XRCC4: variants seen among roughly 807,000 people sequenced by gnomAD.
XRCC4 encodes X-ray repair cross complementing 4.
Under a neutral mutation model 39.1 loss-of-function variants are expected in XRCC4, and 28 were observed. The ratio of observed to expected loss-of-function variants is 0.72; its 90% CI spans 0.53 to 0.98. The LOEUF is 0.98. Among genes scored for constraint, XRCC4 ranks in the 50% least tolerant of loss-of-function variants. The pLI is 0.00. For synonymous variants in XRCC4, 123 were observed against 126.4 expected (o/e 0.97, Z 0.18); for missense variants, 350 against 376.4 (o/e 0.93, Z 0.58).
intron 7 of XRCC4, among the ~76,000 whole-genome samples, chr5:83,262,111 T>C (rs926978731): frequency 2.0e-5 from 3 of 152,156 alleles, no homozygotes; most frequent in African/African-American, 7.2e-5. Flanking sequence ...ATAAGTGCTT[T>C]ATATGTTATC....
At position 83,314,469 on chromosome 5, in the gene XRCC4, G is replaced by A. The variant is rs559137329; in HGVS notation, c.894-38662G>A. On this transcript the variant is annotated intron_variant, in intron 7 of 7. Transcript: ENST00000396027. ...ATATACATGATAACAGCTTTCAATAGGCAGTGTTATTTAATACAGGCATAA... is the reference window on the plus strand; with the variant it reads ...ATATACATGATAACAGCTTTCAATAAGCAGTGTTATTTAATACAGGCATAA... Among the ~76,000 whole-genome samples the A allele has an allele frequency of 2.6e-5, 4 of 152,224 alleles. No homozygotes were observed. In the South Asian group the frequency reaches 6.2e-4, roughly 24 times the overall value.
intron 7 of XRCC4, among the ~76,000 whole-genome samples, chr5:83,304,752 A>G (rs539431020): frequency 1.1e-4 from 17 of 152,224 alleles, no homozygotes; most frequent in East Asian, 3.9e-4. Flanking sequence ...TTTAATAGAT[A>G]AGACTGCAAT....
intron 1 of XRCC4, among the ~76,000 whole-genome samples, chr5:83,102,907 T>G (rs1333997758): frequency 1.3e-5 from 2 of 151,234 alleles, no homozygotes; most frequent in Non-Finnish European, 2.9e-5. Flanking sequence ...CACCACCACT[T>G]AGTGTGTGAT....
At chr5:83,292,689 A>C (rs1168308749) in intron 7 of XRCC4, among the ~76,000 whole-genome samples, 4 of 151,948 alleles carry the variant, frequency 2.6e-5, no homozygotes, top group Non-Finnish European at 5.9e-5. Flanking sequence ...CAGGCTAGTT[A>C]ATATCCCAGT....
intron 6 of XRCC4, among the ~76,000 whole-genome samples, chr5:83,224,182 TG>T (rs1228741878): frequency 2.0e-5 from 3 of 152,210 alleles, no homozygotes; most frequent in South Asian, 2.1e-4. Flanking sequence ...TATTTTCTAG[TG>T]TTTTTTTTGT....
intron 7 of XRCC4, among the ~76,000 whole-genome samples, chr5:83,305,451 T>C (rs1205187157): frequency 2.0e-5 from 3 of 152,252 alleles, no homozygotes; most frequent in Admixed American, 2.0e-4. Flanking sequence ...TTAAGATGTA[T>C]AATTTAAATC....
intron 7 of XRCC4, among the ~76,000 whole-genome samples, chr5:83,272,864 G>T (rs1754191697): frequency 6.6e-6 from 1 of 152,138 alleles, no homozygotes; most frequent in African/African-American, 2.4e-5. Context: ...CTTTGCTATT[G>T]TAAATAGAGT....
At chr5:83,191,142 A>G (rs1031294794) in intron 3 of XRCC4, among the ~76,000 whole-genome samples, 3 of 152,228 alleles carry the variant, frequency 2.0e-5, no homozygotes, top group Non-Finnish European at 4.4e-5. Flanking sequence ...AAAGGGAAAG[A>G]CTACATTTCT....
chr5:83,196,491 T>C (rs934328749), intron 4 of XRCC4, among the ~76,000 whole-genome samples: 2 of 151,972 alleles, frequency 1.3e-5, no homozygotes, highest in African/African-American at 4.8e-5. Context: ...TCTTTTTAAA[T>C]GAGGAAGAAA....
intron 7 of XRCC4, among the ~76,000 whole-genome samples, chr5:83,335,445 C>G (rs961766948): frequency 3.3e-5 from 5 of 151,822 alleles, no homozygotes; most frequent in Non-Finnish European, 5.9e-5. Flanking sequence ...TTGTACATAT[C>G]TACAAATACA....
chr5:83,366,860 T>C, the XRCC4 span, among the ~76,000 whole-genome samples: 49 of 152,278 alleles, frequency 3.2e-4, 1 homozygote, highest in South Asian at 9.9e-3. Flanking sequence ...CAGACCACCC[T>C]ATGTAAAACA....
chr5:83,219,490 T>A (rs189476054), intron 6 of XRCC4, among the ~76,000 whole-genome samples: 2 of 152,244 alleles, frequency 1.3e-5, no homozygotes, highest in Non-Finnish European at 2.9e-5. Flanking sequence ...GTAAGACTTG[T>A]TAAAAGGGAA....
chr5:83,359,823 C>T, the XRCC4 span, among the ~76,000 whole-genome samples: 24 of 151,980 alleles, frequency 1.6e-4, 1 homozygote, highest in South Asian at 4.6e-3. Context: ...TTAAACTTCT[C>T]GATATGATAG....
chr5:83,252,105 T>C (rs922138420), intron 6 of XRCC4, among the ~76,000 whole-genome samples: 1 of 152,194 alleles, frequency 6.6e-6, no homozygotes, highest in African/African-American at 2.4e-5. Flanking sequence ...TCAGCCTCTT[T>C]TCTTGATTAT....
chr5:83,169,417 A>G (rs1749626514), intron 3 of XRCC4, among the ~76,000 whole-genome samples: 1 of 152,150 alleles, frequency 6.6e-6, no homozygotes, highest in African/African-American at 2.4e-5. Context: ...TATTTGATTT[A>G]GGGTAAACTG....
intron 1 of XRCC4, among the ~76,000 whole-genome samples, chr5:83,095,777 G>T (rs565757830): frequency 6.6e-6 from 1 of 152,242 alleles, no homozygotes; most frequent in South Asian, 2.1e-4. Context: ...CAGTGAGAGG[G>T]GCTGGAGCAG....
intron 6 of XRCC4, among the ~76,000 whole-genome samples, chr5:83,209,638 CTAAT>C (rs139305157): frequency 5.4e-4 from 82 of 152,002 alleles, no homozygotes; most frequent in Non-Finnish European, 1.0e-3. Context: ...TAATTGGCTC[CTAAT>C]TAGTTAGCTA....
In XRCC4 at chr5:83,237,836, C is replaced by T. The variant is rs139947901; in HGVS notation, c.746-20694C>T. On this transcript the variant is annotated intron_variant, in intron 6 of 7. Coordinates refer to ENST00000396027, the MANE Select transcript of XRCC4 (RefSeq NM_003401.5). ...GCTCTTTTTTTTACAATAAATATCACATGTACCCCATAAATATGTACAACT... is the reference window on the plus strand; with the variant it reads ...GCTCTTTTTTTTACAATAAATATCATATGTACCCCATAAATATGTACAACT... Among the ~76,000 whole-genome samples, 3 of 152,030 alleles carry T rather than the reference C, an allele frequency of 2.0e-5. No homozygotes were observed. The East Asian group carries it at 5.8e-4, about 29-fold the overall frequency.
chr5:83,166,128 C>T (rs1410507785), intron 3 of XRCC4, among the ~76,000 whole-genome samples: 1 of 152,038 alleles, frequency 6.6e-6, no homozygotes, highest in African/African-American at 2.4e-5. Flanking sequence ...CTCAAGTGAT[C>T]CACCCACCTT....
Sources: allele counts gnomAD v4.1 joint callset (sites outside exome capture counted in the v4.1 genomes callset), GRCh38; gene constraint gnomAD v4.1.1; transcripts MANE v1.5; gene names NCBI Gene and HGNC (gene_info 2026-07-23, HGNC 2026-07-21).